Variants in NRG1 observed in about 807,000 individuals in gnomAD.
NRG1 encodes neuregulin 1, also known as pro-neuregulin-1, membrane-bound isoform.
NRG1 carries 18 observed loss-of-function variants against 63.8 expected under a neutral mutation model. That is an observed-to-expected ratio of 0.28 (90% CI 0.19 to 0.42). NRG1 has a LOEUF of 0.42. Among genes scored for constraint, NRG1 ranks in the 10% least tolerant of loss-of-function variants. NRG1 has a pLI of 1.00. For synonymous variants in NRG1, 302 were observed against 301.3 expected (o/e 1.00, Z -0.02); for missense variants, 762 against 814.7 (o/e 0.94, Z 0.79).
In NRG1 at chr8:31,640,456, G is replaced by A. The variant is rs775689409; in HGVS notation, c.37+1025G>A. On this transcript the variant is annotated intron_variant, in intron 1 of 10. Coordinates refer to the NRG1 transcript ENST00000519301. This position sits in a 1 kb window ranked among gnomAD's most constrained non-coding sequence, Gnocchi z 6.3. ...CAGCGCCGGCGAGCCCGGGGAGGAG[G>A]CGCCCTATCTGGTGAAGGTGCACCA... 46 of 1,565,590 alleles carry A rather than the reference G, an allele frequency of 2.9e-5. No individual in the cohort carries two copies. Among genetic ancestry groups the A allele is most frequent in the Non-Finnish European group, 3.7e-5 (43 of 1,157,534 alleles).
chr8:32,379,990 G>A (rs753926106), intron 1 of NRG1, among the ~76,000 whole-genome samples: 1 of 152,074 alleles, frequency 6.6e-6, no homozygotes, highest in Non-Finnish European at 1.5e-5. Flanking sequence ...CTTCCTTACT[G>A]CACTGCTGTT....
intron 1 of NRG1, among the ~76,000 whole-genome samples, chr8:31,729,678 A>T (rs1443586056): frequency 6.6e-6 from 1 of 152,140 alleles, no homozygotes; most frequent in East Asian, 1.9e-4. Context: ...TATATTTAAG[A>T]CAGTTTATCA....
chr8:32,426,311 C>A (rs1335203068), intron 1 of NRG1, among the ~76,000 whole-genome samples: 1 of 152,110 alleles, frequency 6.6e-6, no homozygotes, highest in Non-Finnish European at 1.5e-5. Context: ...GAATAAAGTG[C>A]TGTATTGATG....
At chr8:31,988,015 G>C (rs1810387334) in intron 1 of NRG1, among the ~76,000 whole-genome samples, 1 of 152,210 alleles carries the variant, frequency 6.6e-6, no homozygotes, top group Non-Finnish European at 1.5e-5. Flanking sequence ...TCATTTCGGT[G>C]CTTGTTCGTT....
chr8:32,449,343 T>C (rs1371534645), intron 1 of NRG1, among the ~76,000 whole-genome samples: 1 of 151,308 alleles, frequency 6.6e-6, no homozygotes, highest in African/African-American at 2.4e-5. Context: ...AAAATTATCC[T>C]AAGTGAAATC....
chr8:32,304,949 A>T (rs1856017247), intron 1 of NRG1, among the ~76,000 whole-genome samples: 1 of 152,112 alleles, frequency 6.6e-6, no homozygotes, highest in Admixed American at 6.5e-5. Flanking sequence ...CAGGAGGCGG[A>T]GGTTACAGTG....
At chr8:32,284,471 TTGCCTCCC>T (rs1853252518) in intron 1 of NRG1, among the ~76,000 whole-genome samples, 2 of 113,132 alleles carry the variant, frequency 1.8e-5, no homozygotes, top group South Asian at 5.4e-4. Flanking sequence ...AGAATAATGC[TTGCCTCCC>T]TGCCTGCCTG....
chr8:32,390,765 C>T (rs1340845693), intron 1 of NRG1, among the ~76,000 whole-genome samples: 2 of 152,066 alleles, frequency 1.3e-5, no homozygotes, highest in Non-Finnish European at 2.9e-5. Context: ...CAATGCCTTC[C>T]CTAGACCAGA....
intron 1 of NRG1, among the ~76,000 whole-genome samples, chr8:31,678,198 A>C (rs894512238): frequency 2.0e-5 from 3 of 152,110 alleles, no homozygotes; most frequent in Non-Finnish European, 2.9e-5. Flanking sequence ...GTTTTGTTTT[A>C]GCCTGAAATA....
At chr8:32,556,475 T>C (rs896049803) in intron 1 of NRG1, among the ~76,000 whole-genome samples, 6 of 152,222 alleles carry the variant, frequency 3.9e-5, no homozygotes, top group African/African-American at 1.4e-4. Context: ...AGCAGATAGT[T>C]GTTATTGCAC....
At chr8:32,081,279 G>C (rs7820361) in intron 1 of NRG1, among the ~76,000 whole-genome samples, 147,974 of 152,260 alleles carry the variant, frequency 0.97, 72,047 homozygotes, top group East Asian at 1. Flanking sequence ...CTGGTGGTTA[G>C]AGCTTCAACA....
chr8:32,593,800 C>T (rs1038120621), intron 1 of NRG1, among the ~76,000 whole-genome samples: 34 of 135,448 alleles, frequency 2.5e-4, no homozygotes, highest in Admixed American at 2.4e-3. Context: ...TCATGAACCA[C>T]ATTTTAAAAA....
intron 1 of NRG1, among the ~76,000 whole-genome samples, chr8:32,467,785 A>G (rs1208907553): frequency 6.6e-6 from 1 of 152,332 alleles, no homozygotes; most frequent in East Asian, 1.9e-4. Context: ...ATGATGTGAA[A>G]GGTCAATGAC....
intron 1 of NRG1, among the ~76,000 whole-genome samples, chr8:32,197,951 C>T (rs375952003): frequency 1.6e-4 from 25 of 151,912 alleles, no homozygotes; most frequent in Non-Finnish European, 2.9e-4. Flanking sequence ...GATCACTAAG[C>T]GCATGTGCAC....
intron 1 of NRG1, among the ~76,000 whole-genome samples, chr8:31,947,964 A>T (rs1440219939): frequency 6.6e-6 from 1 of 150,686 alleles, no homozygotes; most frequent in Non-Finnish European, 1.5e-5. Flanking sequence ...AAAAAAAAAA[A>T]AAAAAAAACT....
chr8:31,987,318 A>ATGTG (rs775800534), intron 1 of NRG1, among the ~76,000 whole-genome samples: 2,488 of 75,004 alleles, frequency 0.033, 64 homozygotes, highest in African/African-American at 0.075. Context: ...AAAAACATAT[A>ATGTG]TATGTGTGTG....
At chr8:32,574,073 G>T (rs1003512830) in intron 1 of NRG1, among the ~76,000 whole-genome samples, 3 of 152,094 alleles carry the variant, frequency 2.0e-5, no homozygotes, top group African/African-American at 4.8e-5. Flanking sequence ...TTGGGTTGGT[G>T]CCAAGTCTTT....
intron 1 of NRG1, among the ~76,000 whole-genome samples, chr8:32,507,277 A>C (rs1274808834): frequency 6.6e-6 from 1 of 152,224 alleles, no homozygotes; most frequent in African/African-American, 2.4e-5. Flanking sequence ...GTGATAGGGT[A>C]CTTGTAAAAT....
At chr8:32,184,065 T>TAC in intron 1 of NRG1, among the ~76,000 whole-genome samples, 1 of 140,264 alleles carries the variant, frequency 7.1e-6, no homozygotes, top group East Asian at 2.0e-4. Flanking sequence ...ACAATACACA[T>TAC]ACACACACAC....
Sources: gnomAD v4.1 joint callset for allele counts (sites outside exome capture counted in the v4.1 genomes callset) on GRCh38, gnomAD v4.1.1 for gene constraint, Gnocchi (gnomAD v3.1) non-coding constraint, MANE v1.5 for transcripts, NCBI Gene and HGNC (gene_info 2026-07-23, HGNC 2026-07-21) for gene names.